Variants in EDRF1 observed in about 807,000 individuals in gnomAD.
The protein encoded by EDRF1 is erythroid differentiation regulatory factor 1, also known as erythroid differentiation-related factor 1.
In EDRF1, 69 loss-of-function variants were observed where a neutral mutation model predicts 148.7. That is an observed-to-expected ratio of 0.46 (90% CI 0.38 to 0.57). EDRF1 has a LOEUF of 0.57. EDRF1 is among the 20% of genes least tolerant of loss of function. The pLI, the probability that EDRF1 is intolerant of heterozygous loss-of-function variation, is 0.00. For missense variants in EDRF1, 1,118 were observed against 1,478.7 expected (o/e 0.76, Z 4.00); for synonymous variants, 515 against 532.8 (o/e 0.97, Z 0.46).
At chr10:125,760,009 C>T (rs898202614) in intron 24 of EDRF1, among the ~76,000 whole-genome samples, 1 of 152,212 alleles carries the variant, frequency 6.6e-6, no homozygotes, top group African/African-American at 2.4e-5. Context: ...CGCGCCTGGC[C>T]TTATTTGGTT....
At chr10:125,731,771 C>T (rs1332354057) in intron 9 of EDRF1, 1 of 354,462 alleles carries the variant, frequency 2.8e-6, no homozygotes, top group African/African-American at 2.1e-5. Flanking sequence ...TAAGAATCAA[C>T]AATGGTAAGA....
chr10:125,736,584 T>C (rs1189863079), intron 13 of EDRF1, among the ~76,000 whole-genome samples: 1 of 152,128 alleles, frequency 6.6e-6, no homozygotes, highest in Non-Finnish European at 1.5e-5. Context: ...AAGCACTGAG[T>C]GTAACTTTCA....
Position 125,733,675 on chromosome 10 carries a change from T to C in EDRF1, c.1317T>C (p.Thr439=). ...TAGTGAAGCTCTATGACCTCACTAC[T>C]CTTTGTGAAGAAACTGAAGACAAAT... ...SDIVKLYDLT[T]LCEETEDKYQ... is the part of the protein sequence containing the mutation. Residue 439 remains threonine (T), a synonymous_variant, in exon 11 of 25, where the codon ACT becomes ACC. Transcript: ENST00000356792. 4 of 1,613,634 alleles carry C rather than the reference T, an allele frequency of 2.5e-6. No homozygotes were observed. The highest frequency in any genetic ancestry group is 1.3e-5 in the African/African-American group (1 of 75,028).
At chr10:125,742,624 C>A (rs1459699617) in intron 17 of EDRF1, 1 of 985,166 alleles carries the variant, frequency 1.0e-6, no homozygotes, top group Non-Finnish European at 1.2e-6. Flanking sequence ...TTACTCTAGT[C>A]CCCACTAGAT....
chr10:125,726,004 T>C (rs1848242634), intron 6 of EDRF1, 166 bp downstream of exon 6: 2 of 845,016 alleles, frequency 2.4e-6, no homozygotes, highest in Non-Finnish European at 3.6e-6. Context: ...AGAAATACTT[T>C]TTAGTTTTTC....
In EDRF1 at chr10:125,733,694, G is replaced by A; in HGVS notation, c.1336G>A (p.Asp446Asn). 6.2e-7 allele frequency: 1 copy of A among 1,613,526 alleles called. No homozygotes were observed. The highest frequency in any genetic ancestry group is 1.1e-5 in the South Asian group (1 of 91,054). Residue 446 changes from aspartate (D) to asparagine (N), a missense_variant, in exon 11 of 25, where the codon GAC becomes AAC. This residue lies in a region of EDRF1 where 954 missense variants were observed against 1,241.4 expected (regional missense o/e 0.77). Transcript: ENST00000356792. ...CACTACTCTTTGTGAAGAAACTGAA[G>A]ACAAATACCAAAATCCATTCACAAT... ...DLTTLCEETEDKYQNPFTMPV... is the reference protein window; with the variant it reads ...DLTTLCEETENKYQNPFTMPV...
intron 4 of EDRF1, among the ~76,000 whole-genome samples, chr10:125,725,048 A>C (rs1330837085): frequency 1.3e-5 from 2 of 152,186 alleles, no homozygotes; most frequent in African/African-American, 4.8e-5. Context: ...ATAGTGTGCA[A>C]AGTGGGAACT....
intron 7 of EDRF1, 39 bp downstream of exon 7, chr10:125,729,143 C>T: frequency 6.5e-7 from 1 of 1,527,262 alleles, no homozygotes; most frequent in South Asian, 1.2e-5. Context: ...AGCAAATCCC[C>T]AGTCTACTTT....
chr10:125,738,396 A>G lies in EDRF1; in HGVS notation c.1932A>G (p.Arg644=). 1 of 1,614,104 alleles carries G rather than the reference A, an allele frequency of 6.2e-7. No homozygotes were observed. The highest frequency in any genetic ancestry group is 2.2e-5 in the East Asian group (1 of 44,884). The part of the protein sequence containing the change: ...IPLKYEDESS[R]GGPEGLEKQM... ...TAAAATATGAAGATGAATCCTCAAGAGGGGGTCCCGAGGGGCTAGAGAAGC... is the reference window on the plus strand; with the variant it reads ...TAAAATATGAAGATGAATCCTCAAGGGGGGGTCCCGAGGGGCTAGAGAAGC... Residue 644 remains arginine, a synonymous_variant, in exon 15 of 25, where the codon AGA becomes AGG. Coordinates refer to ENST00000356792, the MANE Select transcript of EDRF1 (RefSeq NM_001202438.2).
intron 4 of EDRF1, 87 bp from the exon 5 acceptor site, chr10:125,725,231 A>T: frequency 2.7e-6 from 4 of 1,507,200 alleles, no homozygotes; most frequent in Admixed American, 3.4e-5. Flanking sequence ...TCAAAAAATA[A>T]TAGGAGCCTT....
chr10:125,724,724 T>G (rs992968592), intron 4 of EDRF1, among the ~76,000 whole-genome samples: 1 of 152,238 alleles, frequency 6.6e-6, no homozygotes, highest in African/African-American at 2.4e-5. Flanking sequence ...ATGGATACTT[T>G]TGAAAAACAT....
Position 125,719,812 on chromosome 10 carries a change from G to A in EDRF1, c.5G>A (p.Gly2Glu). The change falls in exon 1 of 25, where the codon GGG (glycine) becomes GAG (glutamate). Residue 2 changes from glycine (G) to glutamate (E), a missense_variant. This residue lies in a region of EDRF1 where 65 missense variants were observed against 50.3 expected (regional missense o/e 1.29). Coordinates refer to ENST00000356792, the MANE Select transcript of EDRF1 (RefSeq NM_001202438.2). MGDAKEAGAEGP... is the reference protein window; with the variant it reads MEDAKEAGAEGP... ...CGCCTGCCCTGGATCGAAGTGATGG[G>A]GGATGCCAAGGAGGCCGGAGCCGAG... The A allele has an allele frequency of 3.1e-6, 5 of 1,610,446 alleles. No homozygotes were observed. The highest frequency in any genetic ancestry group is 4.2e-6 in the Non-Finnish European group (5 of 1,178,508).
intron 15 of EDRF1, among the ~76,000 whole-genome samples, chr10:125,739,884 A>G (rs1383878731): frequency 6.6e-6 from 1 of 152,190 alleles, no homozygotes; most frequent in Non-Finnish European, 1.5e-5. Context: ...CAGAAAAATG[A>G]TCATTTGTTG....
rs1301739219 is a variant in EDRF1 at position 125,745,787 on chromosome 10, G to C, written c.2671G>C (p.Glu891Gln). The change falls in exon 19 of 25, where the codon GAA becomes CAA. Residue 891 changes from glutamate (E) to glutamine (Q), a missense_variant. This residue lies in a region of EDRF1 where 954 missense variants were observed against 1,241.4 expected (regional missense o/e 0.77). Coordinates refer to ENST00000356792, the MANE Select transcript of EDRF1 (RefSeq NM_001202438.2). ...SCFEKGIHNF[E>Q]SIEDATNAAL... ...TTTTGAAAAGGGAATTCACAACTTTGAATCAATTGAGGATGCCACCAATGC... is the reference window on the plus strand; with the variant it reads ...TTTTGAAAAGGGAATTCACAACTTTCAATCAATTGAGGATGCCACCAATGC... The C allele has an allele frequency of 1.2e-6, 2 of 1,614,086 alleles. No individual in the cohort carries two copies. The highest frequency in any genetic ancestry group is 4.5e-5 in the East Asian group (2 of 44,894).
chr10:125,750,866 G>A (rs540267193), intron 22 of EDRF1, among the ~76,000 whole-genome samples: 1 of 152,316 alleles, frequency 6.6e-6, no homozygotes, highest in African/African-American at 2.4e-5. Flanking sequence ...GTGATCTTCA[G>A]TTTTCACTTG....
chr10:125,737,122 G>T (rs1238674433), intron 13 of EDRF1, among the ~76,000 whole-genome samples: 1 of 152,060 alleles, frequency 6.6e-6, no homozygotes, highest in African/African-American at 2.4e-5. Flanking sequence ...AAATGTTCTG[G>T]TTATAATCAT....
At chr10:125,758,447 A>G (rs1850023714) in intron 24 of EDRF1, among the ~76,000 whole-genome samples, 1 of 152,032 alleles carries the variant, frequency 6.6e-6, no homozygotes, top group Admixed American at 6.5e-5. Context: ...AGAGACCAAG[A>G]GAAATATTTT....
At position 125,763,412 on chromosome 10, in the gene EDRF1, C is replaced by T. The variant is rs763707587; in HGVS notation, c.3657C>T (p.Ile1219=). The change falls in exon 25 of 25, where the codon ATC becomes ATT. Residue 1219 remains isoleucine (I), a synonymous_variant. Coordinates refer to ENST00000356792, the MANE Select transcript of EDRF1 (RefSeq NM_001202438.2). This position sits in a 1 kb window ranked among gnomAD's most constrained non-coding sequence, Gnocchi z 4.3. ...CTCTTCTGGAAAGAATCAACGTTATCGTCCACCTGCTGGGCCAGCTTGCCG... is the reference window on the plus strand; with the variant it reads ...CTCTTCTGGAAAGAATCAACGTTATTGTCCACCTGCTGGGCCAGCTTGCCG... The part of the protein sequence containing the change: ...TATLLERINV[I]VHLLGQLAAG... 32 of 1,611,802 alleles carry T rather than the reference C, an allele frequency of 2.0e-5. No homozygotes were observed. Among genetic ancestry groups the T allele is most frequent in the African/African-American group, 2.7e-5 (2 of 74,944 alleles).
rs201554583 is a variant in EDRF1 at position 125,753,686 on chromosome 10, G to A, written c.3394-8G>A. ...AGCTCGAGTAAAATAACTTTTTGTTGTTTTTAGCCTAAGAGTGGTGACGCC... is the reference window on the plus strand; with the variant it reads ...AGCTCGAGTAAAATAACTTTTTGTTATTTTTAGCCTAAGAGTGGTGACGCC... On this transcript the variant is annotated splice_region_variant and splice_polypyrimidine_tract_variant and intron_variant, in intron 23 of 24. Transcript: ENST00000356792. 3.3e-4 allele frequency: 529 copies of A among 1,613,866 alleles called. No homozygotes were observed. The highest frequency in any genetic ancestry group is 4.4e-4 in the Non-Finnish European group (518 of 1,179,974).
Sources: allele counts gnomAD v4.1 joint callset (sites outside exome capture counted in the v4.1 genomes callset), GRCh38; gene constraint gnomAD v4.1.1; regional missense constraint gnomAD v4.1.1; non-coding constraint Gnocchi (gnomAD v3.1); transcripts MANE v1.5; gene names NCBI Gene and HGNC (gene_info 2026-07-23, HGNC 2026-07-21).